Variants in PHF14 observed in about 807,000 individuals in gnomAD.
PHF14 encodes PHD finger protein 14.
In PHF14, 55 loss-of-function variants were observed where a neutral mutation model predicts 117.9. That is an observed-to-expected ratio of 0.47 (90% CI 0.38 to 0.58). The LOEUF (loss-of-function observed/expected upper bound fraction) is 0.58. Among genes scored for constraint, PHF14 ranks in the 20% least tolerant of loss-of-function variants. PHF14 has a pLI of 0.00. For missense variants in PHF14, 978 were observed against 1,122.2 expected (o/e 0.87, Z 1.84); for synonymous variants, 409 against 368.6 (o/e 1.11, Z -1.26).
At chr7:11,081,515 A>G (rs1227272764) in intron 16 of PHF14, among the ~76,000 whole-genome samples, 1 of 152,226 alleles carries the variant, frequency 6.6e-6, no homozygotes, top group Admixed American at 6.5e-5. Context: ...TTTTAAAAAG[A>G]GTATTTCCTG....
chr7:11,112,602 T>C (rs2128343797), intron 17 of PHF14, among the ~76,000 whole-genome samples: 1 of 152,012 alleles, frequency 6.6e-6, no homozygotes, highest in East Asian at 1.9e-4. Context: ...AAACCCCATC[T>C]CTACTAAAGA....
intron 3 of PHF14, among the ~76,000 whole-genome samples, chr7:10,984,736 G>A (rs1782155952): frequency 6.6e-6 from 1 of 152,132 alleles, no homozygotes; most frequent in African/African-American, 2.4e-5. Context: ...TGTAGTATCT[G>A]TTTATTAAAC....
Position 11,062,090 on chromosome 7 carries a change from G to C in PHF14, c.2654+5G>C. The C allele has an allele frequency of 3.7e-6, 6 of 1,603,470 alleles. No individual in the cohort carries two copies. Among genetic ancestry groups the C allele is most frequent in the Non-Finnish European group, 5.1e-6 (6 of 1,175,070 alleles). ...AGACAATGAAAATCTTGTCAGGTAA[G>C]TTGGATGCTAAAACCTTGTCTTTAG... On this transcript the variant is annotated splice_donor_5th_base_variant and intron_variant, in intron 16 of 17. Coordinates refer to ENST00000634607, the MANE Select transcript of PHF14 (RefSeq NM_001007157.2).
chr7:11,011,632 T>G (rs1395004939), intron 4 of PHF14, among the ~76,000 whole-genome samples: 1 of 152,216 alleles, frequency 6.6e-6, no homozygotes, highest in African/African-American at 2.4e-5. Flanking sequence ...CTCAGGAGAC[T>G]GGAGAAATGC....
At chr7:11,101,635 T>G (rs1342980347) in intron 16 of PHF14, among the ~76,000 whole-genome samples, 1 of 151,928 alleles carries the variant, frequency 6.6e-6, no homozygotes, top group Non-Finnish European at 1.5e-5. Context: ...TTATTCAGTT[T>G]GGCATGATAG....
chr7:11,112,438 G>T (rs1787478259), intron 17 of PHF14, among the ~76,000 whole-genome samples: 1 of 152,124 alleles, frequency 6.6e-6, no homozygotes, highest in African/African-American at 2.4e-5. Context: ...TTTGGTTATA[G>T]AAAGAAACTA....
At chr7:11,123,283 T>C (rs1364975927) in intron 17 of PHF14, among the ~76,000 whole-genome samples, 1 of 152,188 alleles carries the variant, frequency 6.6e-6, no homozygotes, top group African/African-American at 2.4e-5. Context: ...TTTTGTCTAG[T>C]GATTAAGACA....
chr7:11,098,345 C>G (rs1786955148), intron 16 of PHF14, among the ~76,000 whole-genome samples: 1 of 152,172 alleles, frequency 6.6e-6, no homozygotes, highest in South Asian at 2.1e-4. Context: ...AGTGTCTAGC[C>G]TCTGTTTTCT....
chr7:11,082,420 T>C (rs1786181123), intron 16 of PHF14, among the ~76,000 whole-genome samples: 1 of 152,230 alleles, frequency 6.6e-6, no homozygotes, highest in South Asian at 2.1e-4. Context: ...GTCAATTCTC[T>C]TTTTGTTTGT....
intron 2 of PHF14, among the ~76,000 whole-genome samples, chr7:10,981,471 A>C (rs1415970697): frequency 6.6e-6 from 1 of 152,188 alleles, no homozygotes; most frequent in Non-Finnish European, 1.5e-5. Context: ...TGAGTTACTA[A>C]GTAGTGTTGG....
rs551741912 is a variant in PHF14, at chr7:11,074,046, G to A, written c.2654+11961G>A. Among the ~76,000 whole-genome samples the A allele has an allele frequency of 3.9e-5, 6 of 152,220 alleles. No individual in the cohort carries two copies. In the East Asian group the frequency reaches 9.7e-4, roughly 25 times the overall value. ...TCTCTTAGACCTCTGGGCCTGTGAT[G>A]GGCTGCACTGCCTGGAAGATCTCCA... On this transcript the variant is annotated intron_variant, in intron 16 of 17. Coordinates refer to ENST00000634607, the MANE Select transcript of PHF14 (RefSeq NM_001007157.2).
At chr7:11,011,938 T>A (rs926508443) in intron 4 of PHF14, among the ~76,000 whole-genome samples, 1 of 152,222 alleles carries the variant, frequency 6.6e-6, no homozygotes, top group African/African-American at 2.4e-5. Context: ...AACTTTTCAA[T>A]TTCCATTTAT....
At chr7:11,162,072 CTTTTTTTTTTTTTTTTTTTT>C (rs564998009) in intron 17 of PHF14, among the ~76,000 whole-genome samples, 12 of 70,296 alleles carry the variant, frequency 1.7e-4, no homozygotes, top group South Asian at 8.8e-4. Context: ...AAAAATATGT[CTTTTTTTTTTTTTTTTTTTT>C]TTTTTTTTTT....
intron 16 of PHF14, chr7:11,104,441 A>T (rs1395997360): frequency 1.0e-6 from 1 of 963,824 alleles, no homozygotes; most frequent in Non-Finnish European, 1.2e-6. Context: ...CCGTGTCCAT[A>T]ATCGGTCCAA....
chr7:11,164,354 C>T (rs977649078), intron 17 of PHF14, among the ~76,000 whole-genome samples: 1 of 152,104 alleles, frequency 6.6e-6, no homozygotes, highest in African/African-American at 2.4e-5. Flanking sequence ...GAAATCTATG[C>T]TCACAGTGGG....
chr7:11,028,836 C>T lies in PHF14; in HGVS notation c.1455+18C>T. ...CGGAAGAGGTAGGTTTATTTAAACC[C>T]ATAGTTGGTGAACATGTTCACAAGA... On this transcript the variant is annotated intron_variant, in intron 7 of 17. Coordinates refer to ENST00000634607, the MANE Select transcript of PHF14 (RefSeq NM_001007157.2). 1 of 1,607,930 alleles carries T rather than the reference C, an allele frequency of 6.2e-7. No homozygotes were observed. Among genetic ancestry groups the T allele is most frequent in the Non-Finnish European group, 8.5e-7 (1 of 1,175,064 alleles).
At chr7:11,029,934 G>A (rs1422274983) in intron 7 of PHF14, among the ~76,000 whole-genome samples, 1 of 151,816 alleles carries the variant, frequency 6.6e-6, no homozygotes, top group African/African-American at 2.4e-5. Context: ...TCCAGAAAGT[G>A]AGCAAAGATA....
intron 16 of PHF14, among the ~76,000 whole-genome samples, chr7:11,097,339 C>G (rs991717727): frequency 1.3e-5 from 2 of 151,932 alleles, no homozygotes; most frequent in African/African-American, 4.8e-5. Flanking sequence ...TATTATGACA[C>G]CTAAAATAGA....
At chr7:11,133,614 A>G (rs1412836947) in intron 17 of PHF14, among the ~76,000 whole-genome samples, 1 of 151,896 alleles carries the variant, frequency 6.6e-6, no homozygotes. Flanking sequence ...AGGAAAAGCT[A>G]ATCTCCAGAG....
Sources: allele counts gnomAD v4.1 joint callset (sites outside exome capture counted in the v4.1 genomes callset), GRCh38; gene constraint gnomAD v4.1.1; transcripts MANE v1.5; gene names NCBI Gene and HGNC (gene_info 2026-07-23, HGNC 2026-07-21).